FBN1: variants seen among roughly 807,000 people sequenced by gnomAD.
FBN1 encodes the protein fibrillin-1.
A neutral mutation model predicts 365.1 loss-of-function variants in FBN1; 29 were observed. The ratio of observed to expected loss-of-function variants is 0.08; its 90% CI spans 0.06 to 0.11. The LOEUF is 0.11. FBN1 is among the 10% of genes least tolerant of loss of function. FBN1 has a pLI of 1.00. For missense variants in FBN1, 2,476 were observed against 3,703.2 expected, an observed-to-expected ratio of 0.67 and a Z score of 8.60; for synonymous variants, 1,210 against 1,270.5, an observed-to-expected ratio of 0.95 and a Z score of 1.01.
intron 10 of FBN1, among the ~76,000 whole-genome samples, chr15:48,517,542 C>T (rs1310719892): frequency 2.0e-5 from 3 of 152,194 alleles, no homozygotes; most frequent in African/African-American, 4.8e-5. Context: ...CTATTTTTCA[C>T]AGTGTCAGGT....
intron 53 of FBN1, among the ~76,000 whole-genome samples, chr15:48,435,666 A>ATGTGTGTGTGTGTGTG (rs3074870): frequency 1.7e-4 from 25 of 145,540 alleles, no homozygotes; most frequent in African/African-American, 6.3e-4. Flanking sequence ...GAGACCTAAA[A>ATGTGTGTGTGTGTGTG]TGTGTGTGTG....
intron 2 of FBN1, among the ~76,000 whole-genome samples, chr15:48,619,798 T>G (rs1201006998): frequency 6.6e-6 from 1 of 151,872 alleles, no homozygotes; most frequent in Non-Finnish European, 1.5e-5. Flanking sequence ...TGAAATAATT[T>G]GTACCTCAAA....
chr15:48,562,792 C>T (rs1597606692), intron 6 of FBN1, among the ~76,000 whole-genome samples: 1 of 152,066 alleles, frequency 6.6e-6, no homozygotes, highest in African/African-American at 2.4e-5. Context: ...AGGAGAACAG[C>T]CCACACAAGC....
chr15:48,644,800 T>G lies in FBN1; in HGVS notation c.-31A>C. 6.3e-7 allele frequency: 1 copy of G among 1,598,766 alleles called. No homozygotes were observed. The highest frequency in any genetic ancestry group is 8.5e-7 in the Non-Finnish European group (1 of 1,176,672). On this transcript the variant is annotated 5_prime_UTR_variant, in exon 2 of 66. Coordinates refer to ENST00000316623, the MANE Select transcript of FBN1 (RefSeq NM_000138.5). ...CGAGCCGCCACCGGCTCCCGCCGCC[T>G]CTTGCCGCGCCCGGGGCTCGGTCTG...
chr15:48,537,957 T>G, intron 6 of FBN1, 149 bp from the exon 7 acceptor site: 20 of 797,382 alleles, frequency 2.5e-5, no homozygotes, highest in Non-Finnish European at 3.4e-5. Context: ...TGTAAGGCCT[T>G]GGATAGACCA....
In FBN1 at chr15:48,434,652, T is replaced by C. The variant is rs1313205449; in HGVS notation, c.6558A>G (p.Gly2186=). 6.2e-7 allele frequency: 1 copy of C among 1,613,692 alleles called. No homozygotes were observed. Among genetic ancestry groups the C allele is most frequent in the Non-Finnish European group, 8.5e-7 (1 of 1,179,776 alleles). ...CCTCCTCGCAGGTGCATTCAAAACCTCCAATCACATTCTTGCAGGTTCCAT... is the reference window on the plus strand; with the variant it reads ...CCTCCTCGCAGGTGCATTCAAAACCCCCAATCACATTCTTGCAGGTTCCAT... The part of the protein sequence containing the change: ...CGNGTCKNVI[G]GFECTCEEGF... Residue 2186 remains glycine, a synonymous_variant, in exon 54 of 66, where the codon GGA becomes GGG. Transcript: ENST00000316623.
chr15:48,455,428 T>G (rs376596570), intron 44 of FBN1, among the ~76,000 whole-genome samples: 48 of 152,280 alleles, frequency 3.2e-4, no homozygotes, highest in African/African-American at 1.2e-3. Flanking sequence ...CAAAGCCATC[T>G]CTGAGGGGAA....
chr15:48,435,778 G>GTATATATATGTATGTA (rs1299471206), intron 53 of FBN1, among the ~76,000 whole-genome samples: 1 of 141,322 alleles, frequency 7.1e-6, no homozygotes, highest in African/African-American at 2.7e-5. Flanking sequence ...GTATATGTGT[G>GTATATATATGTATGTA]TGTGTGTGTG....
chr15:48,438,964 ATTC>A (rs1412462859), intron 50 of FBN1, among the ~76,000 whole-genome samples: 1 of 152,104 alleles, frequency 6.6e-6, no homozygotes, highest in African/African-American at 2.4e-5. Flanking sequence ...ATATTGTACT[ATTC>A]TTCTTTCTTT....
intron 7 of FBN1, among the ~76,000 whole-genome samples, chr15:48,536,191 G>C (rs541632796): frequency 6.6e-6 from 1 of 152,340 alleles, no homozygotes; most frequent in South Asian, 2.1e-4. Flanking sequence ...AACTGCCATT[G>C]TGATTCAATG....
rs143853135 is a variant in FBN1 at position 48,453,311 on chromosome 15, C to CA, written c.5423-628dup. ...AAAACAAACAAAAAAAAAACACACA[C>CA]AAAAAAAAAGGAAAAAAAAAGGAAA... On this transcript the variant is annotated intron_variant, in intron 44 of 65. Coordinates refer to ENST00000316623, the MANE Select transcript of FBN1 (RefSeq NM_000138.5). 7.3e-3 allele frequency among the ~76,000 whole-genome samples: 745 copies of CA among 101,440 alleles called. 10 individuals carry two copies. The highest frequency in any genetic ancestry group is 0.022 in the African/African-American group (605 of 27,840). 66.5% of individuals were successfully genotyped at this position (101,440 alleles called of 152,430 possible).
intron 15 of FBN1, among the ~76,000 whole-genome samples, chr15:48,508,162 A>AT (rs1566914758): frequency 5.9e-5 from 9 of 152,186 alleles, no homozygotes; most frequent in Non-Finnish European, 2.9e-5. Flanking sequence ...ATCATTGCAA[A>AT]TAACAGTCTA....
chr15:48,503,313 AAGAAG>A (rs758455531), intron 17 of FBN1, among the ~76,000 whole-genome samples: 1 of 139,140 alleles, frequency 7.2e-6, no homozygotes, highest in Non-Finnish European at 1.5e-5. Context: ...AAAAAAAAAA[AAGAAG>A]AAGAAGAAGA....
chr15:48,547,744 C>G (rs1428181628), intron 6 of FBN1, among the ~76,000 whole-genome samples: 2 of 145,738 alleles, frequency 1.4e-5, no homozygotes, highest in Non-Finnish European at 3.0e-5. Context: ...CACACACACA[C>G]ACACACACAC....
chr15:48,500,165 T>A (rs1039035351), intron 17 of FBN1, among the ~76,000 whole-genome samples: 1 of 152,212 alleles, frequency 6.6e-6, no homozygotes, highest in African/African-American at 2.4e-5. Context: ...AAGAAATTCA[T>A]CTTTTTTATT....
intron 8 of FBN1, among the ~76,000 whole-genome samples, chr15:48,527,781 T>C (rs2043926800): frequency 6.6e-6 from 1 of 152,238 alleles, no homozygotes. Flanking sequence ...ACTGCTTATA[T>C]TAGAGTCAAT....
intron 6 of FBN1, among the ~76,000 whole-genome samples, chr15:48,555,649 T>C (rs2044174021): frequency 6.6e-6 from 1 of 151,620 alleles, no homozygotes; most frequent in South Asian, 2.1e-4. Context: ...GAGGAGAGAG[T>C]CTTGTTTATC....
intron 27 of FBN1, among the ~76,000 whole-genome samples, chr15:48,487,787 A>G (rs774563227): frequency 1.3e-5 from 2 of 152,178 alleles, no homozygotes; most frequent in Non-Finnish European, 2.9e-5. Flanking sequence ...TTTACCAATC[A>G]CCTTTTCTAG....
chr15:48,456,887 G>C, intron 43 of FBN1, 125 bp from the exon 44 acceptor site: 2 of 802,224 alleles, frequency 2.5e-6, no homozygotes, highest in South Asian at 1.6e-5. Flanking sequence ...CATGTGTTGG[G>C]GTGGTGGTGA....
Sources: allele counts gnomAD v4.1 joint callset (sites outside exome capture counted in the v4.1 genomes callset), GRCh38; gene constraint gnomAD v4.1.1; transcripts MANE v1.5; gene names NCBI Gene and HGNC (gene_info 2026-07-23, HGNC 2026-07-21).